Variants in TRMT1 observed in about 807,000 individuals in gnomAD.
The protein encoded by TRMT1 is tRNA (guanine(26)-N(2))-dimethyltransferase.
Under a neutral mutation model 75.4 loss-of-function variants are expected in TRMT1, and 63 were observed. The ratio of observed to expected loss-of-function variants is 0.84; its 90% CI spans 0.68 to 1.03. The LOEUF (loss-of-function observed/expected upper bound fraction) is 1.03. Among genes scored for constraint, TRMT1 ranks in the 50% least tolerant of loss-of-function variants. The probability of loss-of-function intolerance (pLI) is 0.00; values close to 1 mark genes in which losing one functional copy is unlikely to be tolerated. For synonymous variants in TRMT1, 382 were observed against 358.1 expected, an observed-to-expected ratio of 1.07 and a Z score of -0.75; for missense variants, 870 against 905.3, an observed-to-expected ratio of 0.96 and a Z score of 0.50.
At chr19:13,115,860 T>C in intron 3 of TRMT1, 92 bp from the exon 4 acceptor site, 2 of 1,604,628 alleles carry the variant, frequency 1.2e-6, no homozygotes, top group Admixed American at 1.7e-5. Flanking sequence ...CTGAAATCCC[T>C]GCGGAAAGGC....
rs1253859823 is a variant in TRMT1 at position 13,109,903 on chromosome 19, C to T, written c.1106+12G>A. On this transcript the variant is annotated intron_variant, in intron 9 of 16. Coordinates refer to ENST00000357720, the MANE Select transcript of TRMT1 (RefSeq NM_001136035.4). ...CCTGGGACTCCCCTTCTTCTCCTTC[C>T]TCCCTGCTCACCGGCCGCTGGGGAC... 2 of 1,613,976 alleles carry T rather than the reference C, an allele frequency of 1.2e-6. No homozygotes were observed. The highest frequency in any genetic ancestry group is 1.3e-5 in the African/African-American group (1 of 74,914).
intron 7 of TRMT1, among the ~76,000 whole-genome samples, chr19:13,110,739 G>T (rs2019108857): frequency 1.3e-5 from 2 of 152,142 alleles, no homozygotes; most frequent in South Asian, 4.1e-4. Flanking sequence ...AGGCTGGTCA[G>T]GAGTTTGAGA....
Position 13,116,265 on chromosome 19 carries a change from T to G in TRMT1, c.135A>C (p.Gly45=). ...CCTGGACTTCACGTGGACGTTCTTC[T>G]CCGTAGGGCCCGGTGCCGTTCTCCA... ...AAMENGTGPY[G]EERPREVQET... is the part of the protein sequence containing the mutation. Residue 45 remains glycine (G), a synonymous_variant, in exon 2 of 17, where the codon GGA becomes GGC. Coordinates refer to ENST00000357720, the MANE Select transcript of TRMT1 (RefSeq NM_001136035.4). 1.2e-6 allele frequency: 2 copies of G among 1,614,124 alleles called. No homozygotes were observed. The highest frequency in any genetic ancestry group is 1.7e-6 in the Non-Finnish European group (2 of 1,180,036).
Position 13,109,442 on chromosome 19 carries a change from A to G in TRMT1, c.1336T>C (p.Tyr446His), listed in dbSNP as rs2145582903. The change falls in exon 12 of 17, where the codon TAC becomes CAC. Residue 446 changes from tyrosine (Y) to histidine (H), a missense_variant. Transcript: ENST00000357720. ...TEELPDVPLY[Y>H]TLDQLSSTIH... Reference sequence around the variant, plus strand: ...GTGCTGCTCAGCTGGTCCAGGGTGTAGTACAGAGGCACGTCCGGGAGCTCC... The same window carrying G: ...GTGCTGCTCAGCTGGTCCAGGGTGTGGTACAGAGGCACGTCCGGGAGCTCC... 2 of 1,613,674 alleles carry G rather than the reference A, an allele frequency of 1.2e-6. No individual in the cohort carries two copies. Among genetic ancestry groups the G allele is most frequent in the South Asian group, 2.2e-5 (2 of 91,048 alleles).
rs1391645283 is a variant in TRMT1, at chr19:13,109,649, G to T, written c.1212C>A (p.Asp404Glu). 6 of 1,613,886 alleles carry T rather than the reference G, an allele frequency of 3.7e-6. No individual in the cohort carries two copies. In the African/African-American group the frequency reaches 8.0e-5, roughly 22 times the overall value. The change falls in exon 11 of 17, where the codon GAC becomes GAA. Residue 404 changes from aspartate to glutamate, a missense_variant. Asp to Glu is a conservative substitution (Grantham distance 45). Transcript: ENST00000357720. The part of the protein sequence containing the change: ...GGPMWAEPIH[D>E]LDFVGRVLEA... Reference sequence around the variant, plus strand: ...CCAGGACACGGCCCACAAAATCCAGGTCATGGATGGGCTCTGCCCACATGG... The same window carrying T: ...CCAGGACACGGCCCACAAAATCCAGTTCATGGATGGGCTCTGCCCACATGG...
At position 13,115,755 on chromosome 19, in the gene TRMT1, T is replaced by C; in HGVS notation, c.324A>G (p.Gly108=). Residue 108 remains glycine, a synonymous_variant, in exon 4 of 17, where the codon GGA becomes GGG. Coordinates refer to ENST00000357720, the MANE Select transcript of TRMT1 (RefSeq NM_001136035.4). ...GAKGIQIKVP[G]EKDTQKVVVD... is the part of the protein sequence containing the mutation. ...CGACCACTTTTTGCGTGTCCTTCTC[T>C]CCTGGAACCTTGACTGCAGCCACCC... The C allele has an allele frequency of 3.7e-6, 6 of 1,614,058 alleles. No individual in the cohort carries two copies. Among genetic ancestry groups the C allele is most frequent in the Non-Finnish European group, 5.1e-6 (6 of 1,180,020 alleles).
rs148754749 is a variant in TRMT1 at position 13,105,001 on chromosome 19, G to T, written c.1914C>A (p.Asp638Glu). Residue 638 changes from aspartate (D) to glutamate (E), a missense_variant, in exon 17 of 17, where the codon GAC becomes GAA. Asp to Glu is a conservative substitution (Grantham distance 45). Coordinates refer to ENST00000357720, the MANE Select transcript of TRMT1 (RefSeq NM_001136035.4). ...TPRVSADAAP[D>E]CPETSNQTPP... The stretch of plus-strand genomic sequence containing the variant: ...GGGTCTGGTTGGAGGTCTCTGGACA[G>T]TCAGGGGCAGCATCAGCAGAAACCC... The T allele has an allele frequency of 1.2e-5, 20 of 1,613,472 alleles. No homozygotes were observed. The African/African-American group carries it at 2.3e-4, about 18-fold the overall frequency.
intron 7 of TRMT1, among the ~76,000 whole-genome samples, chr19:13,110,701 C>G (rs1375529015): frequency 2.0e-5 from 3 of 152,224 alleles, no homozygotes; most frequent in African/African-American, 7.2e-5. Flanking sequence ...GGCGTGGTGG[C>G]TCATGCCTGT....
At chr19:13,116,081 C>T in intron 2 of TRMT1, 29 bp from the exon 3 acceptor site, 1 of 1,613,406 alleles carries the variant, frequency 6.2e-7, no homozygotes, top group African/African-American at 1.3e-5. Flanking sequence ...CTAGCTCATA[C>T]CCCGCCCCCG....
chr19:13,109,379 A>T lies in TRMT1; in HGVS notation c.1397+2T>A. On this transcript the variant is annotated splice_donor_variant, in intron 12 of 16. Transcript: ENST00000357720. LOFTEE classifies it high-confidence loss of function. ...GCTCCTCCCGACCCCAGGGGCTCTTACCGCAACTGCAGGAGGCTTGGTGTG... is the reference window on the plus strand; with the variant it reads ...GCTCCTCCCGACCCCAGGGGCTCTTTCCGCAACTGCAGGAGGCTTGGTGTG... The T allele has an allele frequency of 6.2e-7, 1 of 1,612,206 alleles. No individual in the cohort carries two copies. The highest frequency in any genetic ancestry group is 8.5e-7 in the Non-Finnish European group (1 of 1,179,930).
intron 14 of TRMT1, among the ~76,000 whole-genome samples, chr19:13,106,639 C>T (rs1430891144): frequency 6.8e-6 from 1 of 147,616 alleles, no homozygotes; most frequent in African/African-American, 2.6e-5. Context: ...CCACACCTGG[C>T]TAATTTTTTT....
intron 7 of TRMT1, 60 bp downstream of exon 7, chr19:13,112,645 G>C: frequency 6.6e-7 from 1 of 1,514,676 alleles, no homozygotes; most frequent in Non-Finnish European, 9.0e-7. Context: ...GTATTGGGAA[G>C]GGACTCAGAC....
chr19:13,106,624 T>C (rs948621616), intron 14 of TRMT1, among the ~76,000 whole-genome samples: 2 of 149,584 alleles, frequency 1.3e-5, no homozygotes, highest in Non-Finnish European at 3.0e-5. Flanking sequence ...TACAGGCATG[T>C]GCCACCACAC....
intron 16 of TRMT1, 84 bp from the exon 17 acceptor site, chr19:13,105,165 T>C: frequency 6.4e-7 from 1 of 1,551,924 alleles, no homozygotes; most frequent in African/African-American, 1.4e-5. Context: ...GGAAGCCCAC[T>C]CCCAAACACT....
Position 13,112,948 on chromosome 19 carries a change from A to G in TRMT1, c.705T>C (p.Tyr235=). Residue 235 remains tyrosine (Y), a synonymous_variant, in exon 6 of 17, where the codon TAT becomes TAC. Coordinates refer to ENST00000357720, the MANE Select transcript of TRMT1 (RefSeq NM_001136035.4). ...CATCCAGGAAGGTGGCTGGGCTGCC[A>G]TAGGGGTCCAGATCGATGACGTCAA... ...ERFDVIDLDP[Y]GSPATFLDAA... 1 of 1,613,966 alleles carries G rather than the reference A, an allele frequency of 6.2e-7. No individual in the cohort carries two copies. The highest frequency in any genetic ancestry group is 1.7e-5 in the Admixed American group (1 of 59,994).
chr19:13,112,054 G>A (rs1221485645), intron 7 of TRMT1, among the ~76,000 whole-genome samples: 3 of 151,564 alleles, frequency 2.0e-5, no homozygotes, highest in Non-Finnish European at 4.4e-5. Flanking sequence ...GCAGCGGAGT[G>A]ATCTTGGCTC....
chr19:13,110,314 TG>T lies in TRMT1; in HGVS notation c.871-9del. ...CAGGACGATTCTCAGGGCCTGGGGG[TG>T]GGGGGTGGGTGTCAGCCTCCCCTCC... On this transcript the variant is annotated splice_polypyrimidine_tract_variant and intron_variant, in intron 7 of 16. Transcript: ENST00000357720. The T allele has an allele frequency of 2.3e-5, 14 of 604,216 alleles. No homozygotes were observed. The highest frequency in any genetic ancestry group is 3.0e-5 in the Non-Finnish European group (10 of 338,146). The allele number at this position is 604,216 out of a possible 1,614,324, so 37.4% of individuals were successfully genotyped here.
Position 13,109,935 on chromosome 19 carries a change from C to T in TRMT1, c.1086G>A (p.Ala362=), listed in dbSNP as rs117741379. The T allele has an allele frequency of 9.4e-3, 15,208 of 1,614,002 alleles. 95 individuals are homozygous for T. Among genetic ancestry groups the T allele is most frequent in the Non-Finnish European group, 0.012 (13,818 of 1,179,992 alleles). The part of the protein sequence containing the change: ...GAFHLQRLGK[A]SGVPSGRAKF... ...CTCACCGGCCGCTGGGGACTCCTGACGCTTTGCCGAGACGCTGAAGGTGGA... is the reference window on the plus strand; with the variant it reads ...CTCACCGGCCGCTGGGGACTCCTGATGCTTTGCCGAGACGCTGAAGGTGGA... The change falls in exon 9 of 17, where the codon GCG becomes GCA. Residue 362 remains alanine, a synonymous_variant. Coordinates refer to ENST00000357720, the MANE Select transcript of TRMT1 (RefSeq NM_001136035.4).
At chr19:13,114,359 TA>T (rs1392657859) in intron 5 of TRMT1, among the ~76,000 whole-genome samples, 1 of 152,134 alleles carries the variant, frequency 6.6e-6, no homozygotes, top group African/African-American at 2.4e-5. Flanking sequence ...CTGTCTCTAC[TA>T]AAAATATAAA....
Sources: allele counts gnomAD v4.1 joint callset (sites outside exome capture counted in the v4.1 genomes callset), GRCh38; gene constraint gnomAD v4.1.1; transcripts MANE v1.5; gene names NCBI Gene and HGNC (gene_info 2026-07-23, HGNC 2026-07-21).